Variants in DENND4A observed in about 807,000 individuals in gnomAD.
DENND4A encodes the protein DENN domain containing 4A, also known as C-myc promoter-binding protein.
In DENND4A, 70 loss-of-function variants were observed where a neutral mutation model predicts 199.3. The ratio of observed to expected loss-of-function variants is 0.35; its 90% CI spans 0.29 to 0.43. The LOEUF is 0.43. Among genes scored for constraint, DENND4A ranks in the 20% least tolerant of loss-of-function variants. The pLI is 1.00. For synonymous variants in DENND4A, 686 were observed against 766.9 expected (o/e 0.89, Z 1.74); for missense variants, 1,723 against 2,255.8 (o/e 0.76, Z 4.78).
intron 1 of DENND4A, among the ~76,000 whole-genome samples, chr15:65,787,189 T>C (rs1015345242): frequency 1.3e-5 from 2 of 152,116 alleles, no homozygotes. Context: ...ATTAAGAAAT[T>C]TAATAAAGTT....
chr15:65,750,512 T>G (rs1436803284), intron 4 of DENND4A, among the ~76,000 whole-genome samples: 1 of 151,364 alleles, frequency 6.6e-6, no homozygotes, highest in Non-Finnish European at 1.5e-5. Flanking sequence ...AAAAAGGAAA[T>G]ACAAAAAAAT....
chr15:65,682,985 T>C (rs1402136209), intron 23 of DENND4A, among the ~76,000 whole-genome samples: 1 of 152,116 alleles, frequency 6.6e-6, no homozygotes, highest in Admixed American at 6.5e-5. Context: ...ACATCAAGGA[T>C]CATGGATCAC....
At chr15:65,785,326 A>G (rs1214254096) in intron 1 of DENND4A, among the ~76,000 whole-genome samples, 1 of 141,708 alleles carries the variant, frequency 7.1e-6, no homozygotes, top group East Asian at 2.0e-4. Context: ...TCTCTACAAG[A>G]AAAAAAAAAA....
At chr15:65,699,803 C>A (rs914380535) in intron 20 of DENND4A, among the ~76,000 whole-genome samples, 1 of 151,090 alleles carries the variant, frequency 6.6e-6, no homozygotes, top group Non-Finnish European at 1.5e-5. Context: ...CCTCAGCCTC[C>A]CTAGTATCTG....
chr15:65,725,288 T>C (rs2075768248), intron 11 of DENND4A, among the ~76,000 whole-genome samples: 1 of 152,210 alleles, frequency 6.6e-6, no homozygotes, highest in Non-Finnish European at 1.5e-5. Context: ...CAAACAGTAA[T>C]GGCTTTAAAA....
chr15:65,663,217 T>TTTTTTA, intron 32 of DENND4A, among the ~76,000 whole-genome samples: 2 of 145,228 alleles, frequency 1.4e-5, no homozygotes, highest in African/African-American at 5.1e-5. Context: ...TTTTTATTTT[T>TTTTTTA]TTTTTTGGTT....
At chr15:65,728,954 T>C in intron 11 of DENND4A, 118 bp downstream of exon 11, 1 of 1,034,164 alleles carries the variant, frequency 9.7e-7, no homozygotes, top group Non-Finnish European at 1.5e-6. Flanking sequence ...TTACCCCACA[T>C]AACAAGGAAA....
chr15:65,787,878 C>A (rs2077607739), intron 1 of DENND4A, among the ~76,000 whole-genome samples: 3 of 152,124 alleles, frequency 2.0e-5, no homozygotes, highest in Admixed American at 1.3e-4. Flanking sequence ...TATCTGGCAT[C>A]TCATAATCAA....
At position 65,669,894 on chromosome 15, in the gene DENND4A, T is replaced by A; in HGVS notation, c.4672A>T (p.Asn1558Tyr). The A allele has an allele frequency of 6.2e-7, 1 of 1,613,916 alleles. No individual in the cohort carries two copies. The highest frequency in any genetic ancestry group is 8.5e-7 in the Non-Finnish European group (1 of 1,179,832). The change falls in exon 27 of 33, where the codon AAT (asparagine) becomes TAT (tyrosine). Residue 1558 changes from asparagine (N) to tyrosine (Y), a missense_variant. Transcript: ENST00000443035. ...YFLKSSPSTE[N>Y]MHFPSSISSQ... Reference sequence around the variant, plus strand: ...GAAATGGAGGATGGAAAGTGCATATTTTCTGTTGATGGGCTTGACTTTAGA... The same window carrying A: ...GAAATGGAGGATGGAAAGTGCATATATTCTGTTGATGGGCTTGACTTTAGA...
At chr15:65,667,743 T>C (rs1243970234) in intron 28 of DENND4A, 40 bp from the exon 29 acceptor site, 2 of 1,580,684 alleles carry the variant, frequency 1.3e-6, no homozygotes, top group African/African-American at 2.7e-5. Context: ...AAATGCAAAA[T>C]AATACTAAGC....
intron 29 of DENND4A, among the ~76,000 whole-genome samples, chr15:65,666,290 G>A (rs892424506): frequency 6.6e-6 from 1 of 152,120 alleles, no homozygotes; most frequent in Non-Finnish European, 1.5e-5. Flanking sequence ...TCACTGCTTT[G>A]TGCCATTAAG....
At chr15:65,700,108 A>G (rs1435320091) in intron 20 of DENND4A, among the ~76,000 whole-genome samples, 1 of 152,130 alleles carries the variant, frequency 6.6e-6, no homozygotes, top group Non-Finnish European at 1.5e-5. Flanking sequence ...TCCCCCCATG[A>G]TAATACCTTA....
intron 1 of DENND4A, among the ~76,000 whole-genome samples, chr15:65,761,899 C>A (rs1011651516): frequency 2.6e-5 from 4 of 152,136 alleles, no homozygotes; most frequent in African/African-American, 7.2e-5. Flanking sequence ...AGTCAATACC[C>A]AAAAGTACTT....
chr15:65,703,928 C>A (rs1345187688), intron 15 of DENND4A, among the ~76,000 whole-genome samples: 2 of 152,170 alleles, frequency 1.3e-5, no homozygotes, highest in Non-Finnish European at 1.5e-5. Flanking sequence ...ATACACTTAA[C>A]CTGTTTAAGA....
At chr15:65,703,992 A>G (rs1414205631) in intron 15 of DENND4A, among the ~76,000 whole-genome samples, 2 of 152,242 alleles carry the variant, frequency 1.3e-5, no homozygotes. Context: ...AAGAAACCTA[A>G]CTATAATAAA....
At chr15:65,727,083 G>A (rs562586803) in intron 11 of DENND4A, among the ~76,000 whole-genome samples, 3 of 151,730 alleles carry the variant, frequency 2.0e-5, no homozygotes, top group African/African-American at 7.3e-5. Flanking sequence ...AGATGCCAAG[G>A]GGGGAGGATC....
chr15:65,710,507 A>T (rs1048597542), intron 14 of DENND4A, among the ~76,000 whole-genome samples: 2 of 152,196 alleles, frequency 1.3e-5, no homozygotes, highest in Non-Finnish European at 2.9e-5. Context: ...ACATATATAC[A>T]ACCAATGGAA....
At chr15:65,688,652 C>A (rs1185107282) in intron 23 of DENND4A, among the ~76,000 whole-genome samples, 1 of 152,110 alleles carries the variant, frequency 6.6e-6, no homozygotes, top group Admixed American at 6.5e-5. Context: ...GTATGGGATT[C>A]CCCTCAAACT....
chr15:65,779,120 G>C (rs576932436), intron 1 of DENND4A, among the ~76,000 whole-genome samples: 46 of 151,586 alleles, frequency 3.0e-4, no homozygotes, highest in African/African-American at 1.0e-3. Context: ...ATAAAAATTA[G>C]AAGGAAAAAA....
Sources: gnomAD v4.1 joint callset for allele counts (sites outside exome capture counted in the v4.1 genomes callset) on GRCh38, gnomAD v4.1.1 for gene constraint, MANE v1.5 for transcripts, NCBI Gene and HGNC (gene_info 2026-07-23, HGNC 2026-07-21) for gene names.